Variants in PPP6R1 observed in about 807,000 individuals in gnomAD.
The protein encoded by PPP6R1 is protein phosphatase 6 regulatory subunit 1.
Under a neutral mutation model 104.6 loss-of-function variants are expected in PPP6R1, and 39 were observed. That is an observed-to-expected ratio of 0.37 (90% confidence interval 0.29 to 0.49). The LOEUF is 0.49. Among genes scored for constraint, PPP6R1 ranks in the 20% least tolerant of loss-of-function variants. The probability of loss-of-function intolerance (pLI) is 0.98; values close to 1 mark genes in which losing one functional copy is unlikely to be tolerated. For synonymous variants in PPP6R1, 549 were observed against 479.0 expected (o/e 1.15, Z -1.91); for missense variants, 1,181 against 1,155.8 (o/e 1.02, Z -0.32).
At position 55,230,225 on chromosome 19, in the gene PPP6R1, T is replaced by A. The variant is rs148190226; in HGVS notation, c.*303A>T. 7.3e-6 allele frequency: 3 copies of A among 409,040 alleles called. No homozygotes were observed. Among genetic ancestry groups the A allele is most frequent in the East Asian group, 8.3e-5 (2 of 24,078 alleles). The allele number at this position is 409,040 out of a possible 1,614,324, so 25.3% of individuals were successfully genotyped here. A position where few individuals can be genotyped will look rare whatever the true frequency, so the allele number is the denominator to read the frequency against. ...CCAGCCCAGTTCGGTGTCCTCACTC[T>A]CTCTCGCTCTCCTCCCTCTCTCTAT... On this transcript the variant is annotated 3_prime_UTR_variant, in exon 24 of 24. Coordinates refer to ENST00000412770, the MANE Select transcript of PPP6R1 (RefSeq NM_014931.4).
intron 1 of PPP6R1, among the ~76,000 whole-genome samples, chr19:55,248,275 C>G (rs2087526815): frequency 6.6e-6 from 1 of 152,204 alleles, no homozygotes; most frequent in Non-Finnish European, 1.5e-5. Flanking sequence ...AAGCTGTCAT[C>G]ACTCCGCCAC....
At chr19:55,257,276 G>C (rs1225155399) in intron 1 of PPP6R1, among the ~76,000 whole-genome samples, 1 of 152,178 alleles carries the variant, frequency 6.6e-6, no homozygotes, top group East Asian at 1.9e-4. Flanking sequence ...CTAACAGTTA[G>C]ACCCTCGCCC....
At chr19:55,231,024 C>T (rs1193512527) in intron 21 of PPP6R1, 140 bp from the exon 22 acceptor site, 4 of 719,620 alleles carry the variant, frequency 5.6e-6, no homozygotes, top group Non-Finnish European at 9.4e-6. Flanking sequence ...CCCGAGGACG[C>T]AGCTGGCTCA....
intron 11 of PPP6R1, 22 bp downstream of exon 11, chr19:55,240,214 A>C (rs770506500): frequency 3.8e-6 from 6 of 1,578,930 alleles, no homozygotes; most frequent in Non-Finnish European, 5.2e-6. Context: ...CCCTGGAGAC[A>C]TGAAGGGCAG....
chr19:55,232,359 G>T, intron 17 of PPP6R1, 148 bp from the exon 18 acceptor site: 1 of 1,215,456 alleles, frequency 8.2e-7, no homozygotes, highest in South Asian at 1.7e-5. Flanking sequence ...GGGGTGTGAC[G>T]ACACCAGGAG....
At chr19:55,236,547 T>C in intron 17 of PPP6R1, 96 bp downstream of exon 17, 1 of 1,327,512 alleles carries the variant, frequency 7.5e-7, no homozygotes, top group Non-Finnish European at 9.9e-7. Context: ...CTTATTTTCT[T>C]CATTCACTTC....
chr19:55,236,270 T>C (rs2087397908), intron 17 of PPP6R1: 1 of 188,328 alleles, frequency 5.3e-6, no homozygotes, highest in South Asian at 1.4e-4. Context: ...TCCTCCCACC[T>C]CAACCTCCCG....
At chr19:55,258,053 G>A (rs533421348) in intron 1 of PPP6R1, among the ~76,000 whole-genome samples, 2 of 152,362 alleles carry the variant, frequency 1.3e-5, no homozygotes, top group African/African-American at 4.8e-5. Context: ...GAGAGGGAAG[G>A]GTGTAAGCAG....
intron 1 of PPP6R1, among the ~76,000 whole-genome samples, chr19:55,249,993 G>T (rs1040923788): frequency 1.2e-4 from 19 of 152,184 alleles, no homozygotes; most frequent in African/African-American, 4.1e-4. Context: ...AGTGCCCTGG[G>T]GAGGCCGTGC....
intron 16 of PPP6R1, 27 bp from the exon 17 acceptor site, chr19:55,236,848 G>C (rs1277569830): frequency 3.7e-6 from 6 of 1,613,784 alleles, no homozygotes; most frequent in Admixed American, 3.3e-5. Context: ...TGGGAGGATG[G>C]GCCACACTGC....
rs1258559084 is a variant in PPP6R1 at position 55,241,017 on chromosome 19, G to A, written c.1224C>T (p.Ser408=). The change falls in exon 10 of 24, where the codon AGC becomes AGT. Residue 408 remains serine (S), a synonymous_variant. Transcript: ENST00000412770. This position sits in a 1 kb window ranked among gnomAD's most constrained non-coding sequence, Gnocchi z 5.4. ...FLHAQVEGCV[S]TMLSLGPPPD... ...GAGGTGGCCCCAAGCTCAGCATGGT[G>A]CTCACGCATCCCTCTACTTGGGCAT... The A allele has an allele frequency of 1.3e-6, 2 of 1,582,256 alleles. No homozygotes were observed. Among genetic ancestry groups the A allele is most frequent in the Non-Finnish European group, 1.7e-6 (2 of 1,164,380 alleles).
At position 55,240,061 on chromosome 19, in the gene PPP6R1, C is replaced by A. The variant is rs2087437375; in HGVS notation, c.1415G>T (p.Gly472Val). Reference sequence around the variant, plus strand: ...CTTCTCCGTGTTCTGCACCAGGGCACCGGCCACTCTTGTCAGGTGACCCAT... The same window carrying A: ...CTTCTCCGTGTTCTGCACCAGGGCAACGGCCACTCTTGTCAGGTGACCCAT... Reference protein sequence around the residue: ...GYMGHLTRVAGALVQNTEKGP... With the variant: ...GYMGHLTRVAVALVQNTEKGP... The change falls in exon 12 of 24, where the codon GGT becomes GTT. Residue 472 changes from glycine (G) to valine (V), a missense_variant. Physicochemically the swap from Gly to Val is moderately radical, Grantham distance 109 (BLOSUM62 -3). Coordinates refer to ENST00000412770, the MANE Select transcript of PPP6R1 (RefSeq NM_014931.4). 6.2e-7 allele frequency: 1 copy of A among 1,602,950 alleles called. No homozygotes were observed. Among genetic ancestry groups the A allele is most frequent in the Non-Finnish European group, 8.5e-7 (1 of 1,176,312 alleles).
At chr19:55,247,554 C>G (rs1412573898) in intron 1 of PPP6R1, among the ~76,000 whole-genome samples, 1 of 152,244 alleles carries the variant, frequency 6.6e-6, no homozygotes, top group Non-Finnish European at 1.5e-5. Flanking sequence ...TTGGGAGAGA[C>G]ACTGCAGAGG....
At chr19:55,248,344 C>T (rs935667999) in intron 1 of PPP6R1, among the ~76,000 whole-genome samples, 1 of 152,348 alleles carries the variant, frequency 6.6e-6, no homozygotes, top group African/African-American at 2.4e-5. Flanking sequence ...ATCTCGAAGG[C>T]CATCTGGTCC....
chr19:55,253,058 C>T (rs1224281471), intron 1 of PPP6R1, among the ~76,000 whole-genome samples: 2 of 152,158 alleles, frequency 1.3e-5, no homozygotes, highest in Non-Finnish European at 2.9e-5. Flanking sequence ...CCAGGTTACC[C>T]CTTCCCCATC....
In PPP6R1 at chr19:55,241,607, C is replaced by G; in HGVS notation, c.878G>C (p.Ser293Thr). 1 of 1,586,274 alleles carries G rather than the reference C, an allele frequency of 6.3e-7. No homozygotes were observed. The highest frequency in any genetic ancestry group is 8.6e-7 in the Non-Finnish European group (1 of 1,167,462). The change falls in exon 8 of 24, where the codon AGC becomes ACC. Residue 293 changes from serine (S) to threonine (T), a missense_variant. Physicochemically the swap from Ser to Thr is moderately conservative, Grantham distance 58 (BLOSUM62 1). Coordinates refer to ENST00000412770, the MANE Select transcript of PPP6R1 (RefSeq NM_014931.4). The surrounding 1 kb of genome is among the most constrained non-coding windows in gnomAD (Gnocchi z 5.4). ...GAGCTCCAGCTGCCCATCCACACTG[C>G]TGAAGAAGCTGTTCACGGTCACGGA... is the stretch of plus-strand genomic sequence containing the variant. ...SESVTVNSFF[S>T]SVDGQLELLA...
chr19:55,250,738 C>A (rs1649697016), intron 1 of PPP6R1, among the ~76,000 whole-genome samples: 1 of 152,154 alleles, frequency 6.6e-6, no homozygotes, highest in Admixed American at 6.5e-5. Flanking sequence ...AGGGACTTAT[C>A]AGGCCTCCCA....
At chr19:55,239,528 G>C (rs761618217) in intron 14 of PPP6R1, 26 bp from the exon 15 acceptor site, 1 of 1,612,326 alleles carries the variant, frequency 6.2e-7, no homozygotes. Flanking sequence ...GGTTAGGGCT[G>C]GAGGGAGTTG....
intron 15 of PPP6R1, 129 bp downstream of exon 15, chr19:55,239,276 C>T: frequency 1.1e-6 from 1 of 923,544 alleles, no homozygotes; most frequent in Non-Finnish European, 1.7e-6. Context: ...CAACGCGTGC[C>T]CAGGAGGGGC....
Sources: allele counts gnomAD v4.1 joint callset (sites outside exome capture counted in the v4.1 genomes callset), GRCh38; gene constraint gnomAD v4.1.1; non-coding constraint Gnocchi (gnomAD v3.1); transcripts MANE v1.5; gene names NCBI Gene and HGNC (gene_info 2026-07-23, HGNC 2026-07-21).